Variants in ATL1 observed in about 807,000 individuals in gnomAD.
The protein encoded by ATL1 is atlastin GTPase 1, also known as atlastin-1.
In ATL1, 31 loss-of-function variants were observed where a neutral mutation model predicts 75.5. The ratio of observed to expected loss-of-function variants is 0.41; its 90% CI spans 0.31 to 0.55. ATL1 has a LOEUF of 0.55. Among genes scored for constraint, ATL1 ranks in the 20% least tolerant of loss-of-function variants. ATL1 has a pLI of 0.27. For missense variants in ATL1, 405 were observed against 662.6 expected (o/e 0.61, Z 4.27); for synonymous variants, 226 against 233.3 (o/e 0.97, Z 0.28).
intron 3 of ATL1, 76 bp downstream of exon 3, chr14:50,591,151 C>T: frequency 1.4e-6 from 2 of 1,450,288 alleles, no homozygotes. Context: ...CTTGAAGTTG[C>T]ACTTTTGAAA....
At chr14:50,603,229 G>A (rs2039287536) in intron 6 of ATL1, among the ~76,000 whole-genome samples, 1 of 152,074 alleles carries the variant, frequency 6.6e-6, no homozygotes, top group African/African-American at 2.4e-5. Flanking sequence ...TCTCTTCCAT[G>A]TCCTCAGTGT....
chr14:50,588,564 A>G (rs1347562652), intron 2 of ATL1, among the ~76,000 whole-genome samples: 1 of 152,114 alleles, frequency 6.6e-6, no homozygotes, highest in Admixed American at 6.5e-5. Context: ...CTTTCCAGCC[A>G]TCACTCCAAG....
intron 6 of ATL1, among the ~76,000 whole-genome samples, chr14:50,600,608 G>T (rs1427267365): frequency 6.6e-6 from 1 of 152,046 alleles, no homozygotes; most frequent in East Asian, 1.9e-4. Flanking sequence ...GTTAGAAAAA[G>T]CATAGCAAAA....
Position 50,560,190 on chromosome 14 carries a change from C to A in ATL1, c.-76C>A. Reference sequence around the variant, plus strand: ...CCAGCGCGGGCACGGAGCCTCCCACCGCCAGCAACCTGCGGCCCCGGAGAA... The same window carrying A: ...CCAGCGCGGGCACGGAGCCTCCCACAGCCAGCAACCTGCGGCCCCGGAGAA... On this transcript the variant is annotated 5_prime_UTR_variant, in exon 1 of 14. Transcript: ENST00000358385. The A allele has an allele frequency of 6.3e-7, 1 of 1,582,518 alleles. No homozygotes were observed.
At position 50,540,930 on chromosome 14, in the gene ATL1, C is replaced by T. The variant is rs78607415; in HGVS notation, c.-140+7563C>T. ...GATACAAGTCTTTTCCTTTTAACTC[C>T]TCTTGGCTTGTGCAATAGCCAAATT... is the stretch of plus-strand genomic sequence containing the variant. On this transcript the variant is annotated intron_variant, in intron 1 of 13. Coordinates refer to the ATL1 transcript ENST00000441560. Among the ~76,000 whole-genome samples the T allele has an allele frequency of 9.0e-3, 1,374 of 152,286 alleles. 19 individuals are homozygous for T. The highest frequency in any genetic ancestry group is 0.031 in the African/African-American group (1,274 of 41,536).
chr14:50,585,724 GC>G (rs1323174351), intron 1 of ATL1, among the ~76,000 whole-genome samples: 1 of 152,192 alleles, frequency 6.6e-6, no homozygotes, highest in African/African-American at 2.4e-5. Flanking sequence ...CCATTGGGAA[GC>G]TAAATAATTT....
Position 50,625,120 on chromosome 14 carries a change from TAA to T in ATL1, c.1119+1877_1119+1878del, listed in dbSNP as rs1325256573. 3.3e-5 allele frequency among the ~76,000 whole-genome samples: 5 copies of T among 151,892 alleles called. No individual in the cohort carries two copies. The East Asian group carries it at 9.7e-4, about 29-fold the overall frequency. On this transcript the variant is annotated intron_variant, in intron 11 of 13. Coordinates refer to ENST00000358385, the MANE Select transcript of ATL1 (RefSeq NM_015915.5). ...GTTACTCCAGTGAACACACAGATTA[TAA>T]AAAAGTGAAACAGCTTTTTTGCTGA...
intron 6 of ATL1, among the ~76,000 whole-genome samples, chr14:50,605,516 G>C (rs1308198933): frequency 6.6e-6 from 1 of 151,818 alleles, no homozygotes; most frequent in African/African-American, 2.4e-5. Flanking sequence ...ATGTCTGAAA[G>C]TTTCCTGAAG....
chr14:50,614,900 G>T (rs924070734), intron 8 of ATL1, among the ~76,000 whole-genome samples: 12 of 152,174 alleles, frequency 7.9e-5, no homozygotes, highest in Admixed American at 1.3e-4. Flanking sequence ...GAGATTGAAA[G>T]AAATGCTCTT....
intron 11 of ATL1, among the ~76,000 whole-genome samples, chr14:50,626,621 A>AT (rs961446646): frequency 6.6e-5 from 10 of 152,220 alleles, no homozygotes; most frequent in Admixed American, 1.3e-4. Flanking sequence ...GGTTTAGAAT[A>AT]TTTTTTATTG....
chr14:50,560,202 G>GCGGCCC lies in ATL1; in HGVS notation c.-60_-55dup. 1 of 1,601,072 alleles carries GCGGCCC rather than the reference G, an allele frequency of 6.2e-7. No homozygotes were observed. Among genetic ancestry groups the GCGGCCC allele is most frequent in the South Asian group, 1.1e-5 (1 of 89,350 alleles). On this transcript the variant is annotated 5_prime_UTR_variant, in exon 1 of 14. Coordinates refer to ENST00000358385, the MANE Select transcript of ATL1 (RefSeq NM_015915.5). ...CGGAGCCTCCCACCGCCAGCAACCTGCGGCCCCGGAGAAGGCAGCGAGCGC... is the reference window on the plus strand; with the variant it reads ...CGGAGCCTCCCACCGCCAGCAACCTGCGGCCCCGGCCCCGGAGAAGGCAGCGAGCGC...
intron 1 of ATL1, among the ~76,000 whole-genome samples, chr14:50,545,239 G>A (rs1595568253): frequency 6.6e-6 from 1 of 152,340 alleles, no homozygotes; most frequent in East Asian, 1.9e-4. Flanking sequence ...CTGCTCAGGA[G>A]CGCCCTGTAT....
At chr14:50,541,095 C>T (rs555584669) in intron 1 of ATL1, among the ~76,000 whole-genome samples, 36 of 152,324 alleles carry the variant, frequency 2.4e-4, no homozygotes, top group African/African-American at 7.2e-4. Flanking sequence ...GACTTGAAAA[C>T]TAGAAAGTAG....
At position 50,628,702 on chromosome 14, in the gene ATL1, T is replaced by G. The variant is rs543165027; in HGVS notation, c.1551+240T>G. On this transcript the variant is annotated intron_variant, in intron 12 of 13. Coordinates refer to ENST00000358385, the MANE Select transcript of ATL1 (RefSeq NM_015915.5). ...TTTAAAAAAATATACATCAGTTTAG[T>G]AGTATATATACTTTTTTTTCTTTTT... 4.6e-6 allele frequency: 3 copies of G among 654,544 alleles called. No individual in the cohort carries two copies. The Admixed American group carries it at 6.4e-5, about 14-fold the overall frequency. The allele number at this position is 654,544 out of a possible 1,614,324, so 40.5% of individuals were successfully genotyped here.
intron 9 of ATL1, 86 bp from the exon 10 acceptor site, chr14:50,621,757 G>A: frequency 2.4e-6 from 2 of 829,298 alleles, no homozygotes; most frequent in East Asian, 5.2e-5. Context: ...TTTTTGAAAT[G>A]TCAAGAACTT....
chr14:50,589,134 T>C (rs954378688), intron 2 of ATL1, among the ~76,000 whole-genome samples: 1 of 151,034 alleles, frequency 6.6e-6, no homozygotes, highest in Non-Finnish European at 1.5e-5. Flanking sequence ...GTGACAGATA[T>C]ATTTTTTCTT....
chr14:50,605,579 A>C (rs2140219450), intron 6 of ATL1, among the ~76,000 whole-genome samples: 1 of 152,088 alleles, frequency 6.6e-6, no homozygotes, highest in Non-Finnish European at 1.5e-5. Flanking sequence ...ATAATTTAGA[A>C]CCTTTGTCCA....
Position 50,552,603 on chromosome 14 carries a change from A to G in ATL1, c.-139-7524A>G, listed in dbSNP as rs1391101502. On this transcript the variant is annotated intron_variant, in intron 1 of 13. Transcript: ENST00000441560. ...AAATCTGGAGGCATCACATTACCTG[A>G]CTTCAAATTTTGCTGTGAGGCTATA... is the stretch of plus-strand genomic sequence containing the variant. Among the ~76,000 whole-genome samples the G allele has an allele frequency of 6.6e-5, 10 of 152,352 alleles. No individual in the cohort carries two copies. In the East Asian group the frequency reaches 1.9e-3, roughly 29 times the overall value.
chr14:50,535,755 C>T (rs953203284), intron 1 of ATL1, among the ~76,000 whole-genome samples: 4 of 152,108 alleles, frequency 2.6e-5, no homozygotes, highest in African/African-American at 4.8e-5. Context: ...GGAAGGCAGT[C>T]GATATCCCTT....
Sources: gnomAD v4.1 joint callset for allele counts (sites outside exome capture counted in the v4.1 genomes callset) on GRCh38, gnomAD v4.1.1 for gene constraint, MANE v1.5 for transcripts, NCBI Gene and HGNC (gene_info 2026-07-23, HGNC 2026-07-21) for gene names.